Variants in DOK6 observed in about 807,000 individuals in gnomAD.
DOK6 encodes the protein downstream of tyrosine kinase 6.
Under a neutral mutation model 44.0 loss-of-function variants are expected in DOK6, and 22 were observed. That is an observed-to-expected ratio of 0.50 (90% CI 0.36 to 0.71). DOK6 has a LOEUF of 0.71. DOK6 is among the 30% of genes least tolerant of loss of function. The probability of loss-of-function intolerance (pLI) is 0.00; values close to 1 mark genes in which losing one functional copy is unlikely to be tolerated. For missense variants in DOK6, 340 were observed against 416.4 expected, an observed-to-expected ratio of 0.82 and a Z score of 1.60; for synonymous variants, 166 against 145.5, an observed-to-expected ratio of 1.14 and a Z score of -1.01.
chr18:69,674,520 C>T (rs1985876928), intron 3 of DOK6, among the ~76,000 whole-genome samples: 1 of 152,064 alleles, frequency 6.6e-6, no homozygotes, highest in Non-Finnish European at 1.5e-5. Context: ...CAGACTCCTC[C>T]AACACACACT....
At chr18:69,808,433 CAG>C (rs55670600) in intron 7 of DOK6, among the ~76,000 whole-genome samples, 78,726 of 151,212 alleles carry the variant, frequency 0.52, 24,409 homozygotes, top group East Asian at 0.68. Context: ...TAATAAAGAT[CAG>C]ACTCAAAGTA....
chr18:69,617,522 A>G, intron 3 of DOK6, among the ~76,000 whole-genome samples: 1 of 144,504 alleles, frequency 6.9e-6, no homozygotes, highest in African/African-American at 2.6e-5. Context: ...AAGAAAAGAA[A>G]GAAAGGAAAG....
At chr18:69,470,369 C>A (rs1029790947) in intron 1 of DOK6, among the ~76,000 whole-genome samples, 6 of 152,286 alleles carry the variant, frequency 3.9e-5, no homozygotes, top group Middle Eastern at 3.4e-3. Flanking sequence ...AAACAGGAGA[C>A]CCCTTTGCAG....
At chr18:69,687,120 G>A (rs1342481013) in intron 4 of DOK6, among the ~76,000 whole-genome samples, 1 of 152,050 alleles carries the variant, frequency 6.6e-6, no homozygotes, top group Non-Finnish European at 1.5e-5. Flanking sequence ...ACAAGTAAAG[G>A]AAATTTCAGA....
intron 2 of DOK6, among the ~76,000 whole-genome samples, chr18:69,583,912 T>C (rs1983429195): frequency 6.6e-6 from 1 of 152,048 alleles, no homozygotes. Context: ...ATCGAGACCA[T>C]CCTGGCTAAC....
intron 7 of DOK6, among the ~76,000 whole-genome samples, chr18:69,799,841 T>G (rs1980851031): frequency 6.6e-6 from 1 of 152,078 alleles, no homozygotes; most frequent in Non-Finnish European, 1.5e-5. Context: ...GTGTCTCCAG[T>G]CTCAGATATC....
intron 5 of DOK6, among the ~76,000 whole-genome samples, chr18:69,713,477 T>G (rs1986814508): frequency 6.6e-6 from 1 of 152,200 alleles, no homozygotes; most frequent in Admixed American, 6.5e-5. Flanking sequence ...TGCAACTCTC[T>G]TAACACAAAT....
chr18:69,681,825 C>G (rs1286858640), intron 4 of DOK6, among the ~76,000 whole-genome samples: 1 of 152,114 alleles, frequency 6.6e-6, no homozygotes, highest in Non-Finnish European at 1.5e-5. Context: ...AACGTCGTAA[C>G]CAAGAAGCAA....
At chr18:69,581,775 T>C (rs1404033197) in intron 2 of DOK6, among the ~76,000 whole-genome samples, 3 of 152,250 alleles carry the variant, frequency 2.0e-5, no homozygotes, top group Admixed American at 2.0e-4. Context: ...GCAAATGAGA[T>C]ATAAATTAAA....
At chr18:69,443,650 C>T (rs918952741) in intron 1 of DOK6, among the ~76,000 whole-genome samples, 2 of 152,172 alleles carry the variant, frequency 1.3e-5, no homozygotes, top group South Asian at 2.1e-4. Context: ...ATTCAGGAGC[C>T]GTCTCTTACT....
At chr18:69,517,729 G>A (rs989454456) in intron 1 of DOK6, among the ~76,000 whole-genome samples, 2 of 146,744 alleles carry the variant, frequency 1.4e-5, no homozygotes, top group African/African-American at 5.0e-5. Flanking sequence ...ATACAGCTTG[G>A]TTTTTTTTTT....
At chr18:69,731,520 C>T (rs1316336448) in intron 5 of DOK6, among the ~76,000 whole-genome samples, 1 of 152,082 alleles carries the variant, frequency 6.6e-6, no homozygotes. Flanking sequence ...TATGATACTT[C>T]GTCTTTTTTC....
At chr18:69,626,745 T>C (rs1223382572) in intron 3 of DOK6, among the ~76,000 whole-genome samples, 1 of 152,170 alleles carries the variant, frequency 6.6e-6, no homozygotes, top group Non-Finnish European at 1.5e-5. Context: ...GACTGAGAAA[T>C]AGTGGCACTG....
intron 7 of DOK6, among the ~76,000 whole-genome samples, chr18:69,797,305 C>T (rs1545095): frequency 0.011 from 1,634 of 152,070 alleles, 24 homozygotes; most frequent in South Asian, 0.03. Flanking sequence ...TCACTGTAGT[C>T]GGATAATTTT....
intron 1 of DOK6, among the ~76,000 whole-genome samples, chr18:69,422,936 G>C (rs1216389584): frequency 1.3e-5 from 2 of 152,154 alleles, no homozygotes; most frequent in South Asian, 4.1e-4. Flanking sequence ...AAATTGCAGA[G>C]AGTCACATTA....
rs190843048 is a variant in DOK6 at position 69,415,260 on chromosome 18, A to G, written c.66+13950A>G. On this transcript the variant is annotated intron_variant, in intron 1 of 7. Coordinates refer to ENST00000382713, the MANE Select transcript of DOK6 (RefSeq NM_152721.6). Reference sequence around the variant, plus strand: ...CTTAATTCCTTGAGTCTTCCAATGTATGTAATGAGTTAACTTCCTTCCTGT... The same window carrying G: ...CTTAATTCCTTGAGTCTTCCAATGTGTGTAATGAGTTAACTTCCTTCCTGT... Among the ~76,000 whole-genome samples the G allele has an allele frequency of 3.6e-4, 55 of 152,212 alleles. 1 individual carries two copies. The Middle Eastern group carries it at 0.02, about 56-fold the overall frequency.
intron 3 of DOK6, among the ~76,000 whole-genome samples, chr18:69,634,066 C>CAA (rs566093310): frequency 3.6e-5 from 5 of 139,668 alleles, no homozygotes; most frequent in Non-Finnish European, 6.2e-5. Context: ...TCTCCCAAAT[C>CAA]AAAAAAAAAA....
At chr18:69,521,891 C>A (rs1353863306) in intron 1 of DOK6, among the ~76,000 whole-genome samples, 1 of 150,930 alleles carries the variant, frequency 6.6e-6, no homozygotes, top group Non-Finnish European at 1.5e-5. Flanking sequence ...ATATTGTACC[C>A]CATAAATATA....
intron 3 of DOK6, among the ~76,000 whole-genome samples, chr18:69,652,300 T>TTTTAA (rs1291358059): frequency 3.3e-5 from 5 of 152,222 alleles, no homozygotes; most frequent in Non-Finnish European, 7.3e-5. Flanking sequence ...AATCAACTAT[T>TTTTAA]TTTAATTTTG....
Sources: gnomAD v4.1 joint callset for allele counts (sites outside exome capture counted in the v4.1 genomes callset) on GRCh38, gnomAD v4.1.1 for gene constraint, MANE v1.5 for transcripts, NCBI Gene and HGNC (gene_info 2026-07-23, HGNC 2026-07-21) for gene names.